NOSTRIN: variants seen among roughly 807,000 people sequenced by gnomAD.
The protein encoded by NOSTRIN is nitric oxide synthase trafficking, also known as BM247 homolog.
Under a neutral mutation model 59.0 loss-of-function variants are expected in NOSTRIN, and 63 were observed. The observed-to-expected ratio is 1.07, with a 90% CI of 0.87 to 1.32. The LOEUF is 1.32. Among genes scored for constraint, NOSTRIN ranks in the 40% most tolerant of loss-of-function variants. The pLI is 0.00. For missense variants in NOSTRIN, 512 were observed against 473.1 expected (o/e 1.08, Z -0.76); for synonymous variants, 200 against 165.4 (o/e 1.21, Z -1.61).
chr2:168,816,491 G>GCAT (rs1395865376), intron 2 of NOSTRIN, among the ~76,000 whole-genome samples: 2 of 151,904 alleles, frequency 1.3e-5, no homozygotes. Context: ...TCACACTCCT[G>GCAT]CATCACCACC....
chr2:168,846,593 C>T (rs1295153220), intron 8 of NOSTRIN, among the ~76,000 whole-genome samples: 3 of 152,174 alleles, frequency 2.0e-5, no homozygotes, highest in Non-Finnish European at 2.9e-5. Flanking sequence ...CCACATCCCA[C>T]CCTCCAAGAA....
rs1271378211 is a variant in NOSTRIN at position 168,834,505 on chromosome 2, G to GCACACA, written c.504+181_504+182insACACAC. On this transcript the variant is annotated intron_variant, in intron 7 of 15. Coordinates refer to ENST00000317647, the MANE Select transcript of NOSTRIN (RefSeq NM_001039724.4). ...ATTACTGGCGTGCGCGCGCGCGCGC[G>GCACACA]CGCACACACACACACACACACACAC... 4.1e-3 allele frequency among the ~76,000 whole-genome samples: 421 copies of GCACACA among 103,104 alleles called. 1 individual carries two copies. The highest frequency in any genetic ancestry group is 6.8e-3 in the African/African-American group (234 of 34,284). The allele number at this position is 103,104 out of a possible 152,430, so 67.6% of individuals were successfully genotyped here.
At chr2:168,828,769 G>A (rs1389706908) in intron 5 of NOSTRIN, among the ~76,000 whole-genome samples, 2 of 152,000 alleles carry the variant, frequency 1.3e-5, no homozygotes, top group Admixed American at 6.6e-5. Context: ...ATAAATTCAA[G>A]CAATAGAATA....
At position 168,828,239 on chromosome 2, in the gene NOSTRIN, G is replaced by A. The variant is rs201471370; in HGVS notation, c.260+19G>A. The A allele has an allele frequency of 1.1e-6, 1 of 872,910 alleles. No individual in the cohort carries two copies. The highest frequency in any genetic ancestry group is 2.0e-6 in the Non-Finnish European group (1 of 501,658). The allele number at this position is 872,910 out of a possible 1,614,324, so 54.1% of individuals were successfully genotyped here. ...TGCATCAGTGAGTTCTCCCACCCTG[G>A]CCTTTCTCCAACTCCAAAGGGAATC... On this transcript the variant is annotated intron_variant, in intron 4 of 15. Transcript: ENST00000317647.
chr2:168,855,266 T>C (rs1689011120), intron 10 of NOSTRIN, 86 bp from the exon 11 acceptor site: 3 of 592,708 alleles, frequency 5.1e-6, no homozygotes, highest in Non-Finnish European at 8.6e-6. Flanking sequence ...TAAAATTAAA[T>C]GCAGCCAGTG....
At chr2:168,848,559 C>T (rs1688563055) in intron 8 of NOSTRIN, among the ~76,000 whole-genome samples, 1 of 134,626 alleles carries the variant, frequency 7.4e-6, no homozygotes. Context: ...TGACTATATA[C>T]CAAAAAACAA....
chr2:168,811,716 G>C lies in NOSTRIN; in HGVS notation c.113+64G>C. On this transcript the variant is annotated intron_variant, in intron 2 of 15. Transcript: ENST00000317647. Reference sequence around the variant, plus strand: ...TTAGTTGTAGCAAGTGATATGACTGGAGGAGTGATTACAAGCTGTCCTACT... The same window carrying C: ...TTAGTTGTAGCAAGTGATATGACTGCAGGAGTGATTACAAGCTGTCCTACT... 3 of 701,642 alleles carry C rather than the reference G, an allele frequency of 4.3e-6. No individual in the cohort carries two copies. The South Asian group carries it at 5.3e-5, about 12-fold the overall frequency. 43.5% of individuals were successfully genotyped at this position (701,642 alleles called of 1,614,324 possible).
chr2:168,798,259 G>T (rs1382184355), upstream of NOSTRIN: 2 of 152,120 alleles, frequency 1.3e-5, no homozygotes. Context: ...TTACCATAAA[G>T]TATTTAACTA....
At chr2:168,836,776 G>A (rs1687745799) in intron 7 of NOSTRIN, among the ~76,000 whole-genome samples, 1 of 152,184 alleles carries the variant, frequency 6.6e-6, no homozygotes, top group African/African-American at 2.4e-5. Context: ...TCTGCATCCT[G>A]TGCTCTAATC....
intron 5 of NOSTRIN, among the ~76,000 whole-genome samples, chr2:168,829,309 T>C (rs954124365): frequency 6.6e-6 from 1 of 151,872 alleles, no homozygotes; most frequent in African/African-American, 2.4e-5. Flanking sequence ...TCTTTCTTTT[T>C]TTTTCTCTCT....
Position 168,817,002 on chromosome 2 carries a change from A to G in NOSTRIN, c.113+5350A>G, listed in dbSNP as rs1686441372. On this transcript the variant is annotated intron_variant, in intron 2 of 15. Coordinates refer to ENST00000317647, the MANE Select transcript of NOSTRIN (RefSeq NM_001039724.4). The stretch of plus-strand genomic sequence containing the variant: ...GCATATTATTTTGAAGAAAAGCTAG[A>G]AAAAATAAAATCACAGGAGAGACCA... Among the ~76,000 whole-genome samples the G allele has an allele frequency of 2.0e-5, 3 of 152,216 alleles. No individual in the cohort carries two copies. In the South Asian group the frequency reaches 6.2e-4, roughly 31 times the overall value.
In NOSTRIN at chr2:168,836,502, G is replaced by T. The variant is rs552946073; in HGVS notation, c.504+2177G>T. Among the ~76,000 whole-genome samples, 4 of 152,260 alleles carry T rather than the reference G, an allele frequency of 2.6e-5. No homozygotes were observed. The South Asian group carries it at 8.3e-4, about 32-fold the overall frequency. On this transcript the variant is annotated intron_variant, in intron 7 of 15. Transcript: ENST00000317647. ...CTGAAGCTGAACACCCAAGCGGGGG[G>T]CATTCATTTTCTCATCTCACATAGA... is the stretch of plus-strand genomic sequence containing the variant.
chr2:168,821,369 G>A (rs1204901191), intron 2 of NOSTRIN, among the ~76,000 whole-genome samples: 1 of 152,236 alleles, frequency 6.6e-6, no homozygotes, highest in East Asian at 1.9e-4. Context: ...GGTGAGGTGA[G>A]AACAAACCTA....
At position 168,865,092 on chromosome 2, in the gene NOSTRIN, C is replaced by T; in HGVS notation, c.*122C>T. 8 of 986,102 alleles carry T rather than the reference C, an allele frequency of 8.1e-6. No homozygotes were observed. The highest frequency in any genetic ancestry group is 5.0e-5 in the East Asian group (2 of 39,900). 61.1% of individuals were successfully genotyped at this position (986,102 alleles called of 1,614,324 possible). A position where few individuals can be genotyped will look rare whatever the true frequency, so the allele number is the denominator to read the frequency against. On this transcript the variant is annotated 3_prime_UTR_variant, in exon 16 of 16. Coordinates refer to ENST00000317647, the MANE Select transcript of NOSTRIN (RefSeq NM_001039724.4). Reference sequence around the variant, plus strand: ...TTTGAAATGGATGGAGTTCTACCTGCATGTCACAGCACTTTGCATTCATGA... The same window carrying T: ...TTTGAAATGGATGGAGTTCTACCTGTATGTCACAGCACTTTGCATTCATGA...
intron 10 of NOSTRIN, 37 bp from the exon 11 acceptor site, chr2:168,855,315 C>A: frequency 2.7e-6 from 3 of 1,102,420 alleles, no homozygotes; most frequent in Non-Finnish European, 4.0e-6. Context: ...ACTCTTACTT[C>A]TTCCCCCTTG....
At chr2:168,852,688 G>A (rs1012633748) in intron 10 of NOSTRIN, among the ~76,000 whole-genome samples, 2 of 152,106 alleles carry the variant, frequency 1.3e-5, no homozygotes, top group Admixed American at 6.5e-5. Flanking sequence ...GCAACAAGAC[G>A]GTAGAAGGCA....
chr2:168,834,641 C>A (rs1687615243), intron 7 of NOSTRIN, among the ~76,000 whole-genome samples: 1 of 151,942 alleles, frequency 6.6e-6, no homozygotes, highest in South Asian at 2.1e-4. Context: ...GGGATCCTCC[C>A]ACCTCAGCCT....
chr2:168,832,940 T>A (rs1230086598), intron 6 of NOSTRIN, among the ~76,000 whole-genome samples: 2 of 152,170 alleles, frequency 1.3e-5, no homozygotes, highest in African/African-American at 4.8e-5. Flanking sequence ...GATTTGTTTT[T>A]AAAAATCCAT....
At chr2:168,793,811 A>G (rs1028291190), upstream of NOSTRIN, among the ~76,000 whole-genome samples, 1 of 152,174 alleles carries the variant, frequency 6.6e-6, no homozygotes, top group East Asian at 1.9e-4. Flanking sequence ...TGCTCAAAGC[A>G]TTCTTGAGAG....
Sources: gnomAD v4.1 joint callset for allele counts (sites outside exome capture counted in the v4.1 genomes callset) on GRCh38, gnomAD v4.1.1 for gene constraint, MANE v1.5 for transcripts, NCBI Gene and HGNC (gene_info 2026-07-23, HGNC 2026-07-21) for gene names.